MSI2: variants seen among roughly 807,000 people sequenced by gnomAD.
MSI2 encodes the protein RNA-binding protein Musashi homolog 2.
In MSI2, 17 loss-of-function variants were observed where a neutral mutation model predicts 45.6. The ratio of observed to expected loss-of-function variants is 0.37; its 90% CI spans 0.26 to 0.56. MSI2 has a LOEUF of 0.56. Ranked by LOEUF, MSI2 falls within the 20% of genes least tolerant of loss-of-function variation. The pLI, the probability that MSI2 is intolerant of heterozygous loss-of-function variation, is 0.77. For synonymous variants in MSI2, 156 were observed against 158.2 expected, an observed-to-expected ratio of 0.99 and a Z score of 0.11; for missense variants, 293 against 444.2, an observed-to-expected ratio of 0.66 and a Z score of 3.06.
At chr17:57,442,237 G>C (rs1029360409) in intron 6 of MSI2, among the ~76,000 whole-genome samples, 2 of 151,974 alleles carry the variant, frequency 1.3e-5, no homozygotes, top group Non-Finnish European at 2.9e-5. Context: ...GGGTTTCACC[G>C]TGTTGGCCAG....
chr17:57,323,436 C>T (rs12949610), intron 5 of MSI2, among the ~76,000 whole-genome samples: 14,729 of 152,272 alleles, frequency 0.097, 899 homozygotes, highest in Non-Finnish European at 0.15. Flanking sequence ...CAGGGAAATG[C>T]GGGGGTCCGC....
At chr17:57,271,744 C>CTTTTTTTT in intron 5 of MSI2, among the ~76,000 whole-genome samples, 1 of 107,630 alleles carries the variant, frequency 9.3e-6, no homozygotes, top group Non-Finnish European at 1.9e-5. Context: ...CCACTGCAAT[C>CTTTTTTTT]TTTTTTTTTT....
chr17:57,337,647 C>G (rs115176071), intron 5 of MSI2, among the ~76,000 whole-genome samples: 8 of 152,138 alleles, frequency 5.3e-5, no homozygotes, highest in Non-Finnish European at 7.4e-5. Context: ...CTTAGCTGGA[C>G]GGTGACTCGG....
chr17:57,566,030 A>G (rs956111731), intron 7 of MSI2: 1 of 152,152 alleles, frequency 6.6e-6, no homozygotes, highest in Non-Finnish European at 1.5e-5. Context: ...GACATCCTTA[A>G]AGACAAGAGA....
rs1442672467 is a variant in MSI2, at chr17:57,681,006, T to C, written c.*1489T>C. The C allele has an allele frequency of 5.4e-6, 1 of 186,386 alleles. No homozygotes were observed. The highest frequency in any genetic ancestry group is 2.3e-5 in the African/African-American group (1 of 42,684). The allele number at this position is 186,386 out of a possible 1,614,324, so 11.5% of individuals were successfully genotyped here. ...GGAAAGCAACCTTTTGGTTTATATA[T>C]ATTTTTTTTAATACCTCAGTGCTGC... On this transcript the variant is annotated 3_prime_UTR_variant, in exon 14 of 14. Transcript: ENST00000284073.
intron 5 of MSI2, chr17:57,279,178 A>G (rs1388314066): frequency 6.6e-6 from 1 of 152,180 alleles, no homozygotes; most frequent in African/African-American, 2.4e-5. Flanking sequence ...GCATGCTCTT[A>G]GGCCCAGAGG....
intron 7 of MSI2, among the ~76,000 whole-genome samples, chr17:57,578,839 C>T (rs1020403951): frequency 6.6e-6 from 1 of 151,956 alleles, no homozygotes; most frequent in African/African-American, 2.4e-5. Flanking sequence ...TGTGATGATG[C>T]GGGGTTGTTT....
intron 8 of MSI2, among the ~76,000 whole-genome samples, chr17:57,609,257 T>G (rs1470665670): frequency 6.6e-6 from 1 of 152,082 alleles, no homozygotes; most frequent in Non-Finnish European, 1.5e-5. Context: ...GCCTCTTATG[T>G]CTGTTAGGAA....
intron 5 of MSI2, among the ~76,000 whole-genome samples, chr17:57,292,344 A>G (rs191401397): frequency 6.6e-6 from 1 of 152,156 alleles, no homozygotes; most frequent in Non-Finnish European, 1.5e-5. Flanking sequence ...TGGCAGTGTT[A>G]TAAGTCATGG....
At chr17:57,412,487 A>G (rs927050916) in intron 6 of MSI2, among the ~76,000 whole-genome samples, 8 of 152,182 alleles carry the variant, frequency 5.3e-5, no homozygotes, top group African/African-American at 1.9e-4. Context: ...GCTGTCCCTT[A>G]ACGTACTTTG....
chr17:57,312,105 C>T (rs1318430601), intron 5 of MSI2, among the ~76,000 whole-genome samples: 2 of 152,176 alleles, frequency 1.3e-5, no homozygotes, highest in African/African-American at 2.4e-5. Flanking sequence ...TCCCAGCAGC[C>T]GAGCCATCAA....
chr17:57,410,607 A>G (rs1027817709), intron 6 of MSI2, among the ~76,000 whole-genome samples: 1 of 152,286 alleles, frequency 6.6e-6, no homozygotes, highest in East Asian at 1.9e-4. Flanking sequence ...AAAAAAAGAA[A>G]AGAAAACCCA....
chr17:57,275,246 A>C (rs2143316657), intron 5 of MSI2, among the ~76,000 whole-genome samples: 1 of 152,352 alleles, frequency 6.6e-6, no homozygotes, highest in South Asian at 2.1e-4. Context: ...TGGTGTCCCC[A>C]GCCTTTGAAG....
chr17:57,412,491 T>G (rs561575685), intron 6 of MSI2, among the ~76,000 whole-genome samples: 1 of 152,358 alleles, frequency 6.6e-6, no homozygotes, highest in Admixed American at 6.5e-5. Flanking sequence ...TCCCTTAACG[T>G]ACTTTGCCTT....
intron 5 of MSI2, among the ~76,000 whole-genome samples, chr17:57,326,849 C>T (rs1047130124): frequency 2.6e-5 from 4 of 152,142 alleles, no homozygotes; most frequent in African/African-American, 4.8e-5. Flanking sequence ...TTTTAAACCA[C>T]GGACTAGTAG....
intron 5 of MSI2, among the ~76,000 whole-genome samples, chr17:57,282,416 C>T (rs1228616807): frequency 6.6e-6 from 1 of 152,172 alleles, no homozygotes; most frequent in Admixed American, 6.5e-5. Context: ...CTGCCCCCTG[C>T]TGTATAATAA....
intron 6 of MSI2, chr17:57,448,341 C>T (rs949250008): frequency 6.6e-6 from 1 of 152,174 alleles, no homozygotes; most frequent in Non-Finnish European, 1.5e-5. Context: ...ACTATTGTAA[C>T]AATCATGCAC....
chr17:57,483,094 C>T (rs974809423), intron 6 of MSI2, among the ~76,000 whole-genome samples: 4 of 152,140 alleles, frequency 2.6e-5, no homozygotes, highest in African/African-American at 4.8e-5. Context: ...CTTTTGGCTT[C>T]TGTAGCCTAA....
At chr17:57,373,971 C>T (rs1001665419) in intron 5 of MSI2, among the ~76,000 whole-genome samples, 10 of 152,104 alleles carry the variant, frequency 6.6e-5, no homozygotes, top group Non-Finnish European at 8.8e-5. Flanking sequence ...AGGCTTATGG[C>T]GAGGAGGTTG....
Sources: gnomAD v4.1 joint callset for allele counts (sites outside exome capture counted in the v4.1 genomes callset) on GRCh38, gnomAD v4.1.1 for gene constraint, MANE v1.5 for transcripts, NCBI Gene and HGNC (gene_info 2026-07-23, HGNC 2026-07-21) for gene names.